Variants in COL18A1 observed in about 807,000 individuals in gnomAD.
The protein encoded by COL18A1 is collagen type XVIII alpha 1 chain, also known as collagen alpha-1(XVIII) chain.
In COL18A1, 133 loss-of-function variants were observed where a neutral mutation model predicts 168.0. The ratio of observed to expected loss-of-function variants is 0.79; its 90% CI spans 0.69 to 0.91. The LOEUF (loss-of-function observed/expected upper bound fraction) is 0.91, where lower values mean the gene tolerates loss of function less well. Among genes scored for constraint, COL18A1 ranks in the 40% least tolerant of loss-of-function variants. COL18A1 has a pLI of 0.00. For synonymous variants in COL18A1, 949 were observed against 809.0 expected (o/e 1.17, Z -2.94); for missense variants, 2,126 against 1,925.4 (o/e 1.10, Z -1.95).
chr21:45,465,626 C>T (rs1000484083), intron 2 of COL18A1, among the ~76,000 whole-genome samples: 2 of 152,146 alleles, frequency 1.3e-5, no homozygotes, highest in African/African-American at 2.4e-5. Context: ...TGGGCACGAG[C>T]GGCCCTGGCT....
rs914176448 is a variant in COL18A1, at chr21:45,443,328, C to G, written c.107-24914C>G. Among the ~76,000 whole-genome samples the G allele has an allele frequency of 3.3e-5, 5 of 152,298 alleles. No individual in the cohort carries two copies. The highest frequency in any genetic ancestry group is 3.4e-3 in the Middle Eastern group (1 of 294). On this transcript the variant is annotated intron_variant, in intron 2 of 41. Transcript: ENST00000651438. The surrounding 1 kb of genome is among the most constrained non-coding windows in gnomAD (Gnocchi z 5.2). Reference sequence around the variant, plus strand: ...GGGAACCTGGCTGTGTGAGCCTGCCCTGGGGCCTTCCATGAGAAAACCCAG... The same window carrying G: ...GGGAACCTGGCTGTGTGAGCCTGCCGTGGGGCCTTCCATGAGAAAACCCAG...
intron 18 of COL18A1, among the ~76,000 whole-genome samples, chr21:45,489,054 G>A (rs918742046): frequency 2.0e-5 from 3 of 152,342 alleles, no homozygotes; most frequent in East Asian, 1.9e-4. Flanking sequence ...AAGGGCGCAC[G>A]GGGCCCACCC....
chr21:45,480,601 G>T, intron 12 of COL18A1, 81 bp downstream of exon 12: 10 of 1,613,404 alleles, frequency 6.2e-6, no homozygotes, highest in Non-Finnish European at 3.4e-6. Flanking sequence ...ATTCAGCTGG[G>T]GTCCTGTGGG....
intron 2 of COL18A1, among the ~76,000 whole-genome samples, chr21:45,458,724 G>A (rs2034936659): frequency 1.3e-5 from 2 of 152,228 alleles, no homozygotes; most frequent in South Asian, 2.1e-4. Context: ...CAAGCCCACG[G>A]AGGCAGACAG....
At chr21:45,510,369 TACAG>T in intron 40 of COL18A1, 108 bp downstream of exon 40, 2 of 1,262,102 alleles carry the variant, frequency 1.6e-6, no homozygotes, top group South Asian at 1.3e-5. Context: ...GCCACCATGT[TACAG>T]ACACTGGCGC....
chr21:45,494,564 G>A lies in COL18A1; in HGVS notation c.2372G>A (p.Gly791Glu), dbSNP rs1407308619. 6.2e-7 allele frequency: 1 copy of A among 1,613,258 alleles called. No individual in the cohort carries two copies. The change falls in exon 27 of 42, where the codon GGA becomes GAA. Residue 791 changes from glycine (G) to glutamate (E), a missense_variant. Gly to Glu is a moderately conservative substitution (Grantham distance 98). Coordinates refer to ENST00000651438, the MANE Select transcript of COL18A1 (RefSeq NM_001379500.1). The part of the protein sequence containing the change: ...KGAKGEPGFR[G>E]PPGPYGRPGY... Reference sequence around the variant, plus strand: ...GCTCAGGGAGAGCCGGGCTTCCGAGGACCCCCGGTAAGTCGGTCCCTGGCT... The same window carrying A: ...GCTCAGGGAGAGCCGGGCTTCCGAGAACCCCCGGTAAGTCGGTCCCTGGCT...
Position 45,487,308 on chromosome 21 carries a change from C to T in COL18A1, c.1834-139C>T, listed in dbSNP as rs963459648. On this transcript the variant is annotated intron_variant, in intron 16 of 41. Coordinates refer to ENST00000651438, the MANE Select transcript of COL18A1 (RefSeq NM_001379500.1). ...GGCCCTGCCACCAGGTAGACAGTCC[C>T]CATCTGAGAACGGCGGCTCCCCAGG... 3.4e-5 allele frequency: 34 copies of T among 1,010,380 alleles called. No individual in the cohort carries two copies. The African/African-American group carries it at 5.4e-4, about 16-fold the overall frequency. 62.6% of individuals were successfully genotyped at this position (1,010,380 alleles called of 1,614,324 possible).
chr21:45,454,043 A>G (rs2034718988), intron 2 of COL18A1, among the ~76,000 whole-genome samples: 1 of 152,208 alleles, frequency 6.6e-6, no homozygotes, highest in Admixed American at 6.5e-5. Flanking sequence ...GTTCAGACAT[A>G]AAATCACAGC....
chr21:45,506,033 A>T, intron 37 of COL18A1, 67 bp downstream of exon 37: 2 of 1,610,126 alleles, frequency 1.2e-6, no homozygotes, highest in Non-Finnish European at 8.5e-7. Flanking sequence ...GGGCTTAAGG[A>T]AGGCGAGAGG....
chr21:45,479,548 AC>A (rs1277072605), intron 9 of COL18A1, among the ~76,000 whole-genome samples: 2 of 148,642 alleles, frequency 1.3e-5, no homozygotes, highest in Admixed American at 1.3e-4. Flanking sequence ...CACACATCAC[AC>A]ATACATATCA....
At chr21:45,460,984 C>T (rs1017460863) in intron 2 of COL18A1, among the ~76,000 whole-genome samples, 10 of 152,238 alleles carry the variant, frequency 6.6e-5, no homozygotes, top group African/African-American at 1.4e-4. Flanking sequence ...GGTCCTTTTA[C>T]GTATATTTGG....
chr21:45,472,095 C>T (rs1023596693), intron 3 of COL18A1, among the ~76,000 whole-genome samples: 4 of 152,174 alleles, frequency 2.6e-5, no homozygotes, highest in Admixed American at 6.5e-5. Context: ...CAGGGCCTCA[C>T]GGGCCTCTCT....
At chr21:45,461,089 G>C (rs2035027557) in intron 2 of COL18A1, among the ~76,000 whole-genome samples, 2 of 152,286 alleles carry the variant, frequency 1.3e-5, no homozygotes, top group South Asian at 4.2e-4. Flanking sequence ...ATCTACTCAA[G>C]TTTGAAGTGC....
At chr21:45,460,822 T>G (rs1332143236) in intron 2 of COL18A1, among the ~76,000 whole-genome samples, 2 of 152,224 alleles carry the variant, frequency 1.3e-5, no homozygotes, top group Non-Finnish European at 2.9e-5. Flanking sequence ...GCCTCTTAGA[T>G]GCACCAAGAG....
chr21:45,433,965 G>A lies in COL18A1; in HGVS notation c.106+28492G>A, dbSNP rs151187735. Among the ~76,000 whole-genome samples the A allele has an allele frequency of 3.2e-4, 48 of 152,266 alleles. No individual in the cohort carries two copies. In the Middle Eastern group the frequency reaches 0.014, roughly 43 times the overall value. On this transcript the variant is annotated intron_variant, in intron 2 of 41. Transcript: ENST00000651438. ...CGGTGGGAAAGAGACCATCAGGGGC[G>A]GAGGGGAATGAACACCCACCCTTTG...
rs2037486201 is a variant in COL18A1 at position 45,510,062 on chromosome 21, A to G, written c.3496-2A>G. The G allele has an allele frequency of 6.4e-7, 1 of 1,559,582 alleles. No homozygotes were observed. The highest frequency in any genetic ancestry group is 8.6e-7 in the Non-Finnish European group (1 of 1,157,824). ...GCCCGTGACGCGCCCCTCTCCCCGC[A>G]GCTCCACCTGGTTGCGCTCAACAGC... On this transcript the variant is annotated splice_acceptor_variant, in intron 39 of 41. Transcript: ENST00000651438. LOFTEE classifies it high-confidence loss of function.
At chr21:45,482,103 C>A in intron 14 of COL18A1, 78 bp downstream of exon 14, 1 of 1,169,286 alleles carries the variant, frequency 8.6e-7, no homozygotes, top group Non-Finnish European at 1.3e-6. Flanking sequence ...TGCCTGGTGA[C>A]GCCCGTGAAG....
chr21:45,464,408 T>C (rs984058125), intron 2 of COL18A1, among the ~76,000 whole-genome samples: 10 of 152,290 alleles, frequency 6.6e-5, no homozygotes, highest in African/African-American at 2.4e-4. Flanking sequence ...ACAGAGCTCC[T>C]GAGTCCCACT....
At chr21:45,511,268 C>G (rs2037592760) in intron 41 of COL18A1, 42 bp downstream of exon 41, 1 of 1,151,276 alleles carries the variant, frequency 8.7e-7, no homozygotes, top group African/African-American at 1.5e-5. Context: ...AGAGCCCCAG[C>G]CAGGGAAGGC....
Sources: gnomAD v4.1 joint callset for allele counts (sites outside exome capture counted in the v4.1 genomes callset) on GRCh38, gnomAD v4.1.1 for gene constraint, Gnocchi (gnomAD v3.1) non-coding constraint, MANE v1.5 for transcripts, NCBI Gene and HGNC (gene_info 2026-07-23, HGNC 2026-07-21) for gene names.